The following RBMS1 variants were observed in gnomAD, a reference collection of about 807,000 sequenced individuals.
The protein encoded by RBMS1 is RNA-binding motif, single-stranded-interacting protein 1.
A neutral mutation model predicts 62.3 loss-of-function variants in RBMS1; 17 were observed. That is an observed-to-expected ratio of 0.27 (90% CI 0.19 to 0.41). The LOEUF (loss-of-function observed/expected upper bound fraction) is 0.41, where lower values mean the gene tolerates loss of function less well. Ranked by LOEUF, RBMS1 falls within the 10% of genes least tolerant of loss-of-function variation. RBMS1 has a pLI of 1.00. For missense variants in RBMS1, 334 were observed against 504.5 expected (o/e 0.66, Z 3.24); for synonymous variants, 172 against 170.0 (o/e 1.01, Z -0.09).
chr2:160,463,757 C>T (rs1268222186), intron 1 of RBMS1, among the ~76,000 whole-genome samples: 1 of 152,146 alleles, frequency 6.6e-6, no homozygotes, highest in African/African-American at 2.4e-5. Context: ...TGCACACCAG[C>T]CTGGGTGACA....
chr2:160,287,858 G>A (rs539409079), intron 6 of RBMS1, among the ~76,000 whole-genome samples: 1 of 151,156 alleles, frequency 6.6e-6, no homozygotes, highest in African/African-American at 2.4e-5. Flanking sequence ...CATACAACTG[G>A]GTATTGCTTT....
intron 2 of RBMS1, among the ~76,000 whole-genome samples, chr2:160,336,897 T>C (rs902237942): frequency 3.3e-5 from 5 of 152,162 alleles, no homozygotes. Flanking sequence ...CTTGGCACCA[T>C]TTAAACCATG....
rs1230181845 is a variant in RBMS1, at chr2:160,374,521, C to G, written c.76-7130G>C. 3.3e-5 allele frequency among the ~76,000 whole-genome samples: 5 copies of G among 152,170 alleles called. No homozygotes were observed. The East Asian group carries it at 9.6e-4, about 29-fold the overall frequency. On this transcript the variant is annotated intron_variant, in intron 1 of 13. Coordinates refer to ENST00000348849, the MANE Select transcript of RBMS1 (RefSeq NM_016836.4). The stretch of plus-strand genomic sequence containing the variant: ...ACATGATGTCACAGGTTACCAGAAT[C>G]TCACATGTAGAAAAGAATTTAAACA...
chr2:160,493,762 T>A lies in RBMS1; in HGVS notation c.-399A>T. ...GGGGCTGAGAGGTGATCAATACAAG[T>A]GGAAAGTGCGGCAGCGGCGGCTGCG... On this transcript the variant is annotated 5_prime_UTR_variant, in exon 1 of 14. Coordinates refer to ENST00000348849, the MANE Select transcript of RBMS1 (RefSeq NM_016836.4). 1 of 189,176 alleles carries A rather than the reference T, an allele frequency of 5.3e-6. No individual in the cohort carries two copies. Among genetic ancestry groups the A allele is most frequent in the Non-Finnish European group, 1.0e-5 (1 of 95,332 alleles). The allele number at this position is 189,176 out of a possible 1,614,324, so 11.7% of individuals were successfully genotyped here.
intron 1 of RBMS1, among the ~76,000 whole-genome samples, chr2:160,444,454 T>C (rs939356618): frequency 2.0e-5 from 3 of 152,244 alleles, no homozygotes; most frequent in African/African-American, 7.2e-5. Context: ...TATACTGTTC[T>C]GTGTACTTTG....
At chr2:160,387,171 T>C (rs1694623035) in intron 1 of RBMS1, among the ~76,000 whole-genome samples, 1 of 152,290 alleles carries the variant, frequency 6.6e-6, no homozygotes, top group Admixed American at 6.5e-5. Flanking sequence ...AATAGCCCTA[T>C]ATATGGTTGT....
chr2:160,286,859 A>G (rs981842763), intron 7 of RBMS1, 110 bp downstream of exon 7: 1 of 1,547,218 alleles, frequency 6.5e-7, no homozygotes, highest in Non-Finnish European at 8.7e-7. Flanking sequence ...CCTGGCACCT[A>G]TTTCAGAAGT....
chr2:160,376,143 A>C (rs528406507), intron 1 of RBMS1, among the ~76,000 whole-genome samples: 2 of 152,344 alleles, frequency 1.3e-5, no homozygotes, highest in African/African-American at 4.8e-5. Context: ...ATACCCATTC[A>C]AAAACATACT....
At chr2:160,354,339 T>C (rs1692678138) in intron 2 of RBMS1, among the ~76,000 whole-genome samples, 1 of 152,068 alleles carries the variant, frequency 6.6e-6, no homozygotes, top group East Asian at 1.9e-4. Flanking sequence ...GGGTAATGAA[T>C]AGGGGTGGTG....
At chr2:160,450,354 A>G (rs1683911814) in intron 1 of RBMS1, among the ~76,000 whole-genome samples, 1 of 152,044 alleles carries the variant, frequency 6.6e-6, no homozygotes, top group South Asian at 2.1e-4. Flanking sequence ...CAGCTTGACC[A>G]ACATGGTGAA....
chr2:160,392,979 G>A (rs1326750693), intron 1 of RBMS1, among the ~76,000 whole-genome samples: 1 of 152,092 alleles, frequency 6.6e-6, no homozygotes, highest in South Asian at 2.1e-4. Context: ...CTTAATGCTC[G>A]CCAGTTTTTC....
chr2:160,318,294 T>C (rs1050035821), intron 2 of RBMS1, 67 bp from the exon 3 acceptor site: 140 of 1,457,116 alleles, frequency 9.6e-5, no homozygotes, highest in South Asian at 8.6e-4. Flanking sequence ...TAAGGAACCC[T>C]TATTAATGCC....
At chr2:160,422,862 A>G (rs375511828) in intron 1 of RBMS1, among the ~76,000 whole-genome samples, 3 of 152,192 alleles carry the variant, frequency 2.0e-5, no homozygotes, top group African/African-American at 7.2e-5. Flanking sequence ...GCTGTATAGC[A>G]TTCATTTTAC....
At chr2:160,340,147 T>G (rs1476974202) in intron 2 of RBMS1, among the ~76,000 whole-genome samples, 1 of 152,220 alleles carries the variant, frequency 6.6e-6, no homozygotes, top group African/African-American at 2.4e-5. Flanking sequence ...TTTCATGACC[T>G]ATGTTACTTT....
At chr2:160,297,241 T>A (rs1688984716) in intron 6 of RBMS1, among the ~76,000 whole-genome samples, 1 of 152,206 alleles carries the variant, frequency 6.6e-6, no homozygotes, top group Non-Finnish European at 1.5e-5. Context: ...TTTTTTCTTT[T>A]TCCCCATTTT....
chr2:160,316,961 AC>A (rs1208725887), intron 3 of RBMS1, among the ~76,000 whole-genome samples: 2 of 152,130 alleles, frequency 1.3e-5, no homozygotes, highest in East Asian at 3.9e-4. Flanking sequence ...AATAAGACTA[AC>A]CTTGGAAACT....
chr2:160,296,972 A>G (rs999460872), intron 6 of RBMS1, among the ~76,000 whole-genome samples: 26 of 152,134 alleles, frequency 1.7e-4, no homozygotes, highest in African/African-American at 5.6e-4. Context: ...ACTCCAACAA[A>G]CAGGTGGCCA....
chr2:160,427,457 C>T (rs1299618476), intron 1 of RBMS1, among the ~76,000 whole-genome samples: 2 of 151,770 alleles, frequency 1.3e-5, no homozygotes, highest in Non-Finnish European at 2.9e-5. Context: ...TCAAGAATGA[C>T]ACAATTAAAA....
intron 1 of RBMS1, among the ~76,000 whole-genome samples, chr2:160,424,022 C>CT (rs72304534): frequency 0.24 from 33,817 of 142,610 alleles, 4,451 homozygotes; most frequent in Admixed American, 0.39. Context: ...AGTGCCATTT[C>CT]TTTTTTTTTT....
Sources: gnomAD v4.1 joint callset for allele counts (sites outside exome capture counted in the v4.1 genomes callset) on GRCh38, gnomAD v4.1.1 for gene constraint, MANE v1.5 for transcripts, NCBI Gene and HGNC (gene_info 2026-07-23, HGNC 2026-07-21) for gene names.